The following RGMA variants were observed in gnomAD, a reference collection of about 807,000 sequenced individuals.
RGMA encodes the protein repulsive guidance molecule A.
Under a neutral mutation model 23.2 loss-of-function variants are expected in RGMA, and 10 were observed. The observed-to-expected ratio is 0.43, with a 90% CI of 0.27 to 0.73. The LOEUF is 0.73. Among genes scored for constraint, RGMA ranks in the 30% least tolerant of loss-of-function variants. The probability of loss-of-function intolerance (pLI) is 0.20; values close to 1 mark genes in which losing one functional copy is unlikely to be tolerated. For missense variants in RGMA, 547 were observed against 630.5 expected, an observed-to-expected ratio of 0.87 and a Z score of 1.42; for synonymous variants, 308 against 279.3, an observed-to-expected ratio of 1.10 and a Z score of -1.03.
intron 1 of RGMA, among the ~76,000 whole-genome samples, chr15:93,080,527 A>G (rs1191785100): frequency 6.6e-6 from 1 of 152,194 alleles, no homozygotes; most frequent in African/African-American, 2.4e-5. Flanking sequence ...ACCTCTGATG[A>G]GATCACAGCT....
intron 2 of RGMA, among the ~76,000 whole-genome samples, chr15:93,064,072 G>T (rs1176419315): frequency 2.0e-5 from 3 of 152,198 alleles, no homozygotes; most frequent in African/African-American, 4.8e-5. Context: ...CCATCCCCCA[G>T]TTCCTCCTGG....
At chr15:93,063,879 C>G (rs1895052899) in intron 2 of RGMA, among the ~76,000 whole-genome samples, 1 of 152,160 alleles carries the variant, frequency 6.6e-6, no homozygotes, top group Admixed American at 6.5e-5. Flanking sequence ...AGGGGTAACT[C>G]ACAGCCACGT....
rs1375054516 is a variant in RGMA at position 93,037,183 on chromosome 15, G to A, written c.*7815C>T. On this transcript the variant is annotated 3_prime_UTR_variant, in exon 4 of 4. Coordinates refer to ENST00000329082, the MANE Select transcript of RGMA (RefSeq NM_020211.3). This position sits in a 1 kb window ranked among gnomAD's most constrained non-coding sequence, Gnocchi z 4.3. ...CTGCATGCATTACATTTCATCTTCAGGACCGCCACGTGAGGGAGGTGGCGT... is the reference window on the plus strand; with the variant it reads ...CTGCATGCATTACATTTCATCTTCAAGACCGCCACGTGAGGGAGGTGGCGT... 1 of 152,282 alleles carries A rather than the reference G, an allele frequency of 6.6e-6. No individual in the cohort carries two copies. The highest frequency in any genetic ancestry group is 2.4e-5 in the African/African-American group (1 of 41,462). The allele number at this position is 152,282 out of a possible 1,614,324, so 9.4% of individuals were successfully genotyped here. A position where few individuals can be genotyped will look rare whatever the true frequency, so the allele number is the denominator to read the frequency against.
chr15:93,048,194 C>T (rs969690405), intron 3 of RGMA, among the ~76,000 whole-genome samples: 3 of 152,090 alleles, frequency 2.0e-5, no homozygotes, highest in African/African-American at 7.2e-5. Context: ...TGTGGGTTCC[C>T]CATATTGGCA....
rs558156901 is a variant in RGMA, at chr15:93,088,913, G to C, written c.14+6C>G. On this transcript the variant is annotated splice_donor_region_variant and intron_variant, in intron 1 of 3. Transcript: ENST00000329082. The stretch of plus-strand genomic sequence containing the variant: ...CGGGTCTGCCCGGCTCCCGACCCGC[G>C]CTTACCTTGGCGGCTGCATGAGCCC... 34 of 1,468,494 alleles carry C rather than the reference G, an allele frequency of 2.3e-5. No individual in the cohort carries two copies. The highest frequency in any genetic ancestry group is 1.2e-4 in the South Asian group (9 of 76,826). The allele number at this position is 1,468,494 out of a possible 1,614,324, so 91.0% of individuals were successfully genotyped here. A position where few individuals can be genotyped will look rare whatever the true frequency, so the allele number is the denominator to read the frequency against.
chr15:93,076,760 G>A (rs1189667077), intron 1 of RGMA, among the ~76,000 whole-genome samples: 2 of 152,158 alleles, frequency 1.3e-5, no homozygotes, highest in Non-Finnish European at 2.9e-5. Context: ...GCTTAAGTAC[G>A]CACCCAATAA....
intron 2 of RGMA, among the ~76,000 whole-genome samples, chr15:93,072,577 C>T (rs1191929546): frequency 6.6e-6 from 1 of 152,188 alleles, no homozygotes; most frequent in Non-Finnish European, 1.5e-5. Context: ...CGAGGGCGTG[C>T]CTCCCCTTCT....
At chr15:93,079,772 G>C (rs925201356) in intron 1 of RGMA, among the ~76,000 whole-genome samples, 2 of 152,062 alleles carry the variant, frequency 1.3e-5, no homozygotes, top group Non-Finnish European at 2.9e-5. Context: ...GTGAGCAGAG[G>C]TCCTGCCACT....
At chr15:93,074,367 T>G (rs546244194) in intron 1 of RGMA, among the ~76,000 whole-genome samples, 8 of 152,018 alleles carry the variant, frequency 5.3e-5, no homozygotes, top group African/African-American at 1.9e-4. Context: ...GTCGGGAGTG[T>G]GGAGAGGAGC....
At chr15:93,085,391 T>C (rs1035612205) in intron 1 of RGMA, among the ~76,000 whole-genome samples, 1 of 152,262 alleles carries the variant, frequency 6.6e-6, no homozygotes, top group Non-Finnish European at 1.5e-5. Flanking sequence ...GACCAGATAG[T>C]TGACAGAGTC....
rs2178376 is a variant in RGMA at position 93,045,869 on chromosome 15, G to A, written c.646-164C>T. On this transcript the variant is annotated intron_variant, in intron 3 of 3. Coordinates refer to ENST00000329082, the MANE Select transcript of RGMA (RefSeq NM_020211.3). The surrounding 1 kb of genome is among the most constrained non-coding windows in gnomAD (Gnocchi z 6.9). The stretch of plus-strand genomic sequence containing the variant: ...ACAGATCAGTTCCACCTGCGCAGCT[G>A]TGCACTTCACATTCTTTCAATGAAA... Among the ~76,000 whole-genome samples the A allele has an allele frequency of 6.7e-3, 1,018 of 152,264 alleles. 16 individuals are homozygous for A. Among genetic ancestry groups the A allele is most frequent in the African/African-American group, 0.024 (977 of 41,546 alleles).
chr15:93,079,270 G>C (rs1201465540), intron 1 of RGMA, among the ~76,000 whole-genome samples: 1 of 152,206 alleles, frequency 6.6e-6, no homozygotes, highest in Non-Finnish European at 1.5e-5. Context: ...ACATGCTGGA[G>C]AGACTTACTA....
At chr15:93,066,878 G>A (rs754958850) in intron 2 of RGMA, among the ~76,000 whole-genome samples, 49 of 152,306 alleles carry the variant, frequency 3.2e-4, no homozygotes, top group Admixed American at 2.4e-3. Context: ...AGGAGTCTGG[G>A]TTCTACTTCT....
intron 1 of RGMA, chr15:93,073,873 G>A: frequency 6.8e-7 from 1 of 1,465,588 alleles, no homozygotes; most frequent in Non-Finnish European, 9.0e-7. Context: ...TGCCACCTTG[G>A]CACAGCTGCC....
At chr15:93,054,513 T>TA (rs2054981110) in intron 2 of RGMA, among the ~76,000 whole-genome samples, 1 of 152,176 alleles carries the variant, frequency 6.6e-6, no homozygotes, top group South Asian at 2.1e-4. Context: ...GATGGTTTTA[T>TA]AAATGGGAGT....
At chr15:93,065,930 C>T in intron 2 of RGMA, 3 of 760,664 alleles carry the variant, frequency 3.9e-6, no homozygotes, top group Non-Finnish European at 6.8e-6. Context: ...GGGACTCGCA[C>T]AAACCACCGT....
chr15:93,051,895 C>A, intron 3 of RGMA, 98 bp downstream of exon 3: 3 of 1,289,718 alleles, frequency 2.3e-6, no homozygotes. Context: ...CGTCTTCCCC[C>A]ATTCCCAGGC....
rs2054722272 is a variant in RGMA, at chr15:93,041,400, GC to G, written c.*3597del. ...AACCTAGCCCGTCCTGCAAGATGAA[GC>G]TGCTTCTTGGGAATCTTTTAGCTCA... is the stretch of plus-strand genomic sequence containing the variant. On this transcript the variant is annotated 3_prime_UTR_variant, in exon 4 of 4. Transcript: ENST00000329082. 1 of 152,234 alleles carries G rather than the reference GC, an allele frequency of 6.6e-6. No homozygotes were observed. Among genetic ancestry groups the G allele is most frequent in the Non-Finnish European group, 1.5e-5 (1 of 68,070 alleles). 9.4% of individuals were successfully genotyped at this position (152,234 alleles called of 1,614,324 possible). A position where few individuals can be genotyped will look rare whatever the true frequency, so the allele number is the denominator to read the frequency against.
At chr15:93,079,790 A>G (rs1895528447) in intron 1 of RGMA, among the ~76,000 whole-genome samples, 1 of 152,202 alleles carries the variant, frequency 6.6e-6, no homozygotes, top group Non-Finnish European at 1.5e-5. Flanking sequence ...ACTGCACTCC[A>G]GCATGGGCAA....
Sources: allele counts gnomAD v4.1 joint callset (sites outside exome capture counted in the v4.1 genomes callset), GRCh38; gene constraint gnomAD v4.1.1; non-coding constraint Gnocchi (gnomAD v3.1); transcripts MANE v1.5; gene names NCBI Gene and HGNC (gene_info 2026-07-23, HGNC 2026-07-21).